Variants in CLCN3 observed in about 807,000 individuals in gnomAD.
The protein encoded by CLCN3 is Cl-/H+ antiporter 3.
Under a neutral mutation model 83.4 loss-of-function variants are expected in CLCN3, and 16 were observed. The ratio of observed to expected loss-of-function variants is 0.19; its 90% CI spans 0.13 to 0.29. The LOEUF (loss-of-function observed/expected upper bound fraction) is 0.29, where lower values mean the gene tolerates loss of function less well. Ranked by LOEUF, CLCN3 falls within the 10% of genes least tolerant of loss-of-function variation. The pLI is 1.00. For synonymous variants in CLCN3, 322 were observed against 346.2 expected, an observed-to-expected ratio of 0.93 and a Z score of 0.78; for missense variants, 544 against 1,006.0, an observed-to-expected ratio of 0.54 and a Z score of 6.21.
intron 1 of CLCN3, among the ~76,000 whole-genome samples, chr4:169,627,148 C>T (rs1773255826): frequency 6.6e-6 from 1 of 151,052 alleles, no homozygotes; most frequent in African/African-American, 2.4e-5. Flanking sequence ...ACATGAACCC[C>T]TCCCCTTCAT....
chr4:169,695,273 C>G (rs1342946224), intron 7 of CLCN3, among the ~76,000 whole-genome samples: 2 of 152,136 alleles, frequency 1.3e-5, no homozygotes, highest in African/African-American at 4.8e-5. Context: ...AGCTCCCCAT[C>G]CCAGTTACTG....
intron 7 of CLCN3, among the ~76,000 whole-genome samples, chr4:169,694,816 G>T (rs1183024721): frequency 6.6e-6 from 1 of 152,162 alleles, no homozygotes; most frequent in African/African-American, 2.4e-5. Flanking sequence ...TCCAGCCTGA[G>T]AAACAAGAGA....
At chr4:169,680,346 G>A (rs1731888830) in intron 3 of CLCN3, 139 bp downstream of exon 3, 1 of 625,870 alleles carries the variant, frequency 1.6e-6, no homozygotes, top group African/African-American at 1.9e-5. Context: ...TGTGGTACAT[G>A]TTTTTTTCTT....
intron 2 of CLCN3, among the ~76,000 whole-genome samples, chr4:169,670,836 T>C (rs1731430812): frequency 6.6e-6 from 1 of 152,192 alleles, no homozygotes; most frequent in Admixed American, 6.5e-5. Context: ...TTCACGTCTC[T>C]TTTAAGTTGT....
In CLCN3 at chr4:169,631,923, A is replaced by G. The variant is rs72694740; in HGVS notation, c.-16-3990A>G. Among the ~76,000 whole-genome samples the G allele has an allele frequency of 4.2e-3, 639 of 152,324 alleles. 7 individuals carry two copies. The highest frequency in any genetic ancestry group is 0.036 in the South Asian group (172 of 4,828). Reference sequence around the variant, plus strand: ...TATCGAGTTCCAAAATGGAATCGGTAATAAAAAATCTACCAACCAGAAAAG... The same window carrying G: ...TATCGAGTTCCAAAATGGAATCGGTGATAAAAAATCTACCAACCAGAAAAG... On this transcript the variant is annotated intron_variant, in intron 1 of 12. Transcript: ENST00000513761.
At chr4:169,625,870 CA>C (rs1293365463) in intron 1 of CLCN3, among the ~76,000 whole-genome samples, 2 of 152,330 alleles carry the variant, frequency 1.3e-5, no homozygotes, top group African/African-American at 4.8e-5. Context: ...ATAATTAACA[CA>C]GAAGACTTCT....
At chr4:169,625,227 C>T (rs1773203327) in intron 1 of CLCN3, among the ~76,000 whole-genome samples, 2 of 152,336 alleles carry the variant, frequency 1.3e-5, no homozygotes, top group Middle Eastern at 3.4e-3. Context: ...TTTGTTCCAT[C>T]TCTCTAGTTG....
At chr4:169,656,498 C>T (rs535593724) in intron 2 of CLCN3, among the ~76,000 whole-genome samples, 2 of 152,292 alleles carry the variant, frequency 1.3e-5, no homozygotes, top group Admixed American at 1.3e-4. Flanking sequence ...AGTTACCTCC[C>T]TCCAGGCCCC....
intron 2 of CLCN3, among the ~76,000 whole-genome samples, chr4:169,660,995 G>A (rs1190579226): frequency 6.6e-6 from 1 of 151,806 alleles, no homozygotes; most frequent in East Asian, 1.9e-4. Context: ...TATGTATTTC[G>A]GCTGAGTAAC....
At chr4:169,648,363 A>G (rs1730634499) in intron 2 of CLCN3, among the ~76,000 whole-genome samples, 1 of 152,216 alleles carries the variant, frequency 6.6e-6, no homozygotes, top group Admixed American at 6.5e-5. Flanking sequence ...ATTATTCCAA[A>G]ATGAAGTTTA....
At chr4:169,699,726 A>G (rs1345777795) in intron 9 of CLCN3, among the ~76,000 whole-genome samples, 1 of 152,060 alleles carries the variant, frequency 6.6e-6, no homozygotes, top group Non-Finnish European at 1.5e-5. Flanking sequence ...TACTAAAAAT[A>G]CAAAAATTAG....
At chr4:169,680,277 C>A in intron 3 of CLCN3, 70 bp downstream of exon 3, 1 of 1,078,324 alleles carries the variant, frequency 9.3e-7, no homozygotes, top group Non-Finnish European at 1.3e-6. Flanking sequence ...ATATTTCTGC[C>A]AATGATCTCA....
At chr4:169,709,860 G>C (rs1291035052) in intron 11 of CLCN3, among the ~76,000 whole-genome samples, 1 of 152,048 alleles carries the variant, frequency 6.6e-6, no homozygotes, top group Non-Finnish European at 1.5e-5. Context: ...TTAAATGGGA[G>C]GCCAGGGTGG....
chr4:169,708,999 G>T (rs1225680544), intron 11 of CLCN3, among the ~76,000 whole-genome samples: 2 of 147,202 alleles, frequency 1.4e-5, no homozygotes. Context: ...ATATGGGAGA[G>T]ATATATATTT....
At chr4:169,641,187 C>T (rs1487035389) in intron 2 of CLCN3, among the ~76,000 whole-genome samples, 1 of 152,140 alleles carries the variant, frequency 6.6e-6, no homozygotes, top group Middle Eastern at 3.2e-3. Flanking sequence ...CCCAGGTATT[C>T]AAGGCTGTGG....
intron 2 of CLCN3, among the ~76,000 whole-genome samples, chr4:169,649,641 CAG>C: frequency 6.6e-6 from 1 of 152,234 alleles, no homozygotes; most frequent in African/African-American, 2.4e-5. Context: ...ATTTATAAGG[CAG>C]AGAGTTTTTA....
intron 2 of CLCN3, among the ~76,000 whole-genome samples, chr4:169,647,821 A>G (rs1029876804): frequency 6.6e-6 from 1 of 152,220 alleles, no homozygotes; most frequent in Non-Finnish European, 1.5e-5. Flanking sequence ...GACTGGACTT[A>G]GTGACTTACT....
intron 2 of CLCN3, among the ~76,000 whole-genome samples, chr4:169,679,706 C>T (rs1427803286): frequency 3.9e-5 from 6 of 152,198 alleles, no homozygotes; most frequent in African/African-American, 1.4e-4. Flanking sequence ...CCGGCCAACA[C>T]GGCAAAACCC....
chr4:169,697,941 G>A (rs1295741765), intron 9 of CLCN3, among the ~76,000 whole-genome samples: 4 of 152,140 alleles, frequency 2.6e-5, no homozygotes, highest in African/African-American at 9.7e-5. Context: ...CCAAAACTTA[G>A]CAGCTTAAGG....
Sources: allele counts gnomAD v4.1 joint callset (sites outside exome capture counted in the v4.1 genomes callset), GRCh38; gene constraint gnomAD v4.1.1; transcripts MANE v1.5; gene names NCBI Gene and HGNC (gene_info 2026-07-23, HGNC 2026-07-21).